ATF6: variants seen among roughly 807,000 people sequenced by gnomAD.
ATF6 encodes the protein activating transcription factor 6, also known as cyclic AMP-dependent transcription factor ATF-6 alpha.
A neutral mutation model predicts 83.6 loss-of-function variants in ATF6; 53 were observed. That is an observed-to-expected ratio of 0.63 (90% CI 0.51 to 0.80). The LOEUF is 0.80. Ranked by LOEUF, ATF6 falls within the 30% of genes least tolerant of loss-of-function variation. ATF6 has a pLI of 0.00. For synonymous variants in ATF6, 288 were observed against 285.8 expected (o/e 1.01, Z -0.08); for missense variants, 744 against 797.9 (o/e 0.93, Z 0.81).
intron 15 of ATF6, among the ~76,000 whole-genome samples, chr1:161,947,364 G>GTAA (rs1688767646): frequency 6.6e-6 from 1 of 152,248 alleles, no homozygotes; most frequent in Admixed American, 6.5e-5. Flanking sequence ...GTGATTAGAT[G>GTAA]TCGAGGGTAA....
chr1:161,917,380 G>C (rs1688120359), intron 15 of ATF6, among the ~76,000 whole-genome samples: 2 of 151,972 alleles, frequency 1.3e-5, no homozygotes, highest in South Asian at 4.1e-4. Flanking sequence ...TTATGTTTCA[G>C]ATACACCTTA....
At chr1:161,776,197 T>C (rs1192780985) in intron 1 of ATF6, among the ~76,000 whole-genome samples, 1 of 152,214 alleles carries the variant, frequency 6.6e-6, no homozygotes, top group African/African-American at 2.4e-5. Context: ...ATTTTAGATA[T>C]ATTCAACCAT....
chr1:161,905,178 G>A (rs1380308062), intron 14 of ATF6, among the ~76,000 whole-genome samples: 1 of 151,952 alleles, frequency 6.6e-6, no homozygotes, highest in Non-Finnish European at 1.5e-5. Flanking sequence ...TAGAATCATT[G>A]ATATGAAAGA....
intron 13 of ATF6, among the ~76,000 whole-genome samples, chr1:161,862,772 A>G (rs1360597110): frequency 1.3e-5 from 2 of 152,114 alleles, no homozygotes; most frequent in Admixed American, 6.6e-5. Flanking sequence ...AGCTTTTTCC[A>G]CCTTTTTGCA....
intron 1 of ATF6, 27 bp downstream of exon 1, chr1:161,766,469 G>C (rs370507995): frequency 6.2e-7 from 1 of 1,607,354 alleles, no homozygotes; most frequent in Non-Finnish European, 8.5e-7. Context: ...AATGTACCAG[G>C]GTGGCTCGGG....
At position 161,963,040 on chromosome 1, in the gene ATF6, A is replaced by G. The variant is rs1307210396; in HGVS notation, c.*4386A>G. ...ATAACATTTGGAAGTGAATATTCCC[A>G]TTTTCTTCCACCCACAGGGATTGGG... On this transcript the variant is annotated 3_prime_UTR_variant, in exon 16 of 16. Transcript: ENST00000367942. 6.6e-6 allele frequency: 1 copy of G among 152,112 alleles called. No individual in the cohort carries two copies. The highest frequency in any genetic ancestry group is 6.5e-5 in the Admixed American group (1 of 15,278). The allele number at this position is 152,112 out of a possible 1,614,324, so 9.4% of individuals were successfully genotyped here.
chr1:161,882,411 A>G (rs1388832551), intron 14 of ATF6, among the ~76,000 whole-genome samples: 1 of 152,144 alleles, frequency 6.6e-6, no homozygotes, highest in Admixed American at 6.6e-5. Flanking sequence ...TAAGCCTCTT[A>G]TAAGAAAAGC....
chr1:161,912,251 T>C, intron 14 of ATF6, 45 bp from the exon 15 acceptor site: 1 of 1,441,502 alleles, frequency 6.9e-7, no homozygotes, highest in African/African-American at 1.4e-5. Context: ...GTTCTAGGAC[T>C]AAGCCAATTG....
intron 14 of ATF6, among the ~76,000 whole-genome samples, chr1:161,878,553 C>T (rs540643242): frequency 1.3e-5 from 2 of 149,876 alleles, no homozygotes; most frequent in East Asian, 3.9e-4. Flanking sequence ...CGGTTCAGGA[C>T]CAAATTAGAT....
chr1:161,823,418 A>G (rs1425302811), intron 9 of ATF6, among the ~76,000 whole-genome samples: 1 of 152,178 alleles, frequency 6.6e-6, no homozygotes, highest in Non-Finnish European at 1.5e-5. Flanking sequence ...GAAATAGCAT[A>G]TTGAAATTTC....
Position 161,805,486 on chromosome 1 carries a change from G to GT in ATF6, c.909+3221dup, listed in dbSNP as rs1423048941. On this transcript the variant is annotated intron_variant, in intron 7 of 15. Transcript: ENST00000367942. ...ACGTGAGCCAAGCCTTTCAATATGA[G>GT]TTTTTTTGGTAGAAATTTTGACTGA... 4.6e-5 allele frequency among the ~76,000 whole-genome samples: 7 copies of GT among 152,102 alleles called. No individual in the cohort carries two copies. The East Asian group carries it at 5.8e-4, about 13-fold the overall frequency.
At chr1:161,917,784 A>G (rs1029794720) in intron 15 of ATF6, among the ~76,000 whole-genome samples, 2 of 152,188 alleles carry the variant, frequency 1.3e-5, no homozygotes, top group African/African-American at 4.8e-5. Context: ...ACCATCAGAA[A>G]GGGTCAGGTG....
At chr1:161,851,662 T>C in intron 10 of ATF6, 60 bp from the exon 11 acceptor site, 1 of 1,187,752 alleles carries the variant, frequency 8.4e-7, no homozygotes, top group South Asian at 1.3e-5. Flanking sequence ...GATTTTCTTA[T>C]AGCAAACTTC....
intron 6 of ATF6, among the ~76,000 whole-genome samples, chr1:161,795,616 A>G (rs1684998245): frequency 6.6e-6 from 1 of 152,240 alleles, no homozygotes; most frequent in Non-Finnish European, 1.5e-5. Context: ...CACATAGTCA[A>G]AAAAATATAT....
At chr1:161,937,310 C>T (rs1421015512) in intron 15 of ATF6, among the ~76,000 whole-genome samples, 3 of 143,560 alleles carry the variant, frequency 2.1e-5, no homozygotes, top group Non-Finnish European at 3.0e-5. Context: ...TGCCACTGCA[C>T]TCCAGCCTGG....
At chr1:161,798,339 C>T (rs985244997) in intron 6 of ATF6, among the ~76,000 whole-genome samples, 2 of 152,114 alleles carry the variant, frequency 1.3e-5, no homozygotes, top group African/African-American at 2.4e-5. Context: ...AGAGGCTGGG[C>T]GTGGTGGTTC....
In ATF6 at chr1:161,834,805, A is replaced by G. The variant is rs140249458; in HGVS notation, c.1188-11644A>G. 9.3e-3 allele frequency among the ~76,000 whole-genome samples: 1,416 copies of G among 152,318 alleles called. 11 individuals are homozygous for G. Among genetic ancestry groups the G allele is most frequent in the Middle Eastern group, 0.027 (8 of 294 alleles). On this transcript the variant is annotated intron_variant, in intron 9 of 15. Coordinates refer to ENST00000367942, the MANE Select transcript of ATF6 (RefSeq NM_007348.4). ...ATAATAACAAAACAAAAAAATAGAT[A>G]TACTTGAAGAAAGAAATAGTGAATG...
chr1:161,922,867 C>T (rs949047406), intron 15 of ATF6, among the ~76,000 whole-genome samples: 5 of 151,744 alleles, frequency 3.3e-5, no homozygotes, highest in African/African-American at 9.7e-5. Context: ...TTGTAGGCCA[C>T]GGTGAAGAGT....
intron 15 of ATF6, among the ~76,000 whole-genome samples, chr1:161,952,100 C>T (rs1160906064): frequency 6.6e-6 from 1 of 152,004 alleles, no homozygotes; most frequent in East Asian, 1.9e-4. Context: ...CCCATTATGC[C>T]CCTCCTTCTT....
Sources: allele counts gnomAD v4.1 joint callset (sites outside exome capture counted in the v4.1 genomes callset), GRCh38; gene constraint gnomAD v4.1.1; transcripts MANE v1.5; gene names NCBI Gene and HGNC (gene_info 2026-07-23, HGNC 2026-07-21).